The following SYT2 variants were observed in gnomAD, a reference collection of about 807,000 sequenced individuals.
The protein encoded by SYT2 is synaptotagmin-2.
In SYT2, 15 loss-of-function variants were observed where a neutral mutation model predicts 39.9. The observed-to-expected ratio is 0.38, with a 90% CI of 0.25 to 0.58. SYT2 has a LOEUF of 0.58. Ranked by LOEUF, SYT2 falls within the 20% of genes least tolerant of loss-of-function variation. The pLI, the probability that SYT2 is intolerant of heterozygous loss-of-function variation, is 0.70. For missense variants in SYT2, 389 were observed against 530.3 expected, an observed-to-expected ratio of 0.73 and a Z score of 2.62; for synonymous variants, 181 against 204.5, an observed-to-expected ratio of 0.89 and a Z score of 0.98.
At chr1:202,608,971 C>T (rs1452638131) in intron 1 of SYT2, among the ~76,000 whole-genome samples, 1 of 151,608 alleles carries the variant, frequency 6.6e-6, no homozygotes, top group African/African-American at 2.4e-5. Context: ...TGGTGTGCTG[C>T]ACCCATTAAC....
rs114498437 is a variant in SYT2, at chr1:202,646,155, T to A, written c.-17-40366A>T. On this transcript the variant is annotated intron_variant, in intron 1 of 8. Transcript: ENST00000367268. The stretch of plus-strand genomic sequence containing the variant: ...GTGCTCCTTAGGTCCTGACTGTCCA[T>A]CCTACCCTGTCCTCTCCTTTCAGGC... Among the ~76,000 whole-genome samples, 1,099 of 152,218 alleles carry A rather than the reference T, an allele frequency of 7.2e-3. 10 individuals are homozygous for A. Among genetic ancestry groups the A allele is most frequent in the African/African-American group, 0.025 (1,032 of 41,526 alleles).
chr1:202,661,203 C>T (rs1025608694), intron 1 of SYT2, among the ~76,000 whole-genome samples: 3 of 152,038 alleles, frequency 2.0e-5, no homozygotes, highest in African/African-American at 7.2e-5. Flanking sequence ...CCCTTCCTGT[C>T]AGAAAAGGGC....
chr1:202,632,411 G>A (rs1691619714), intron 1 of SYT2: 1 of 301,910 alleles, frequency 3.3e-6, no homozygotes. Flanking sequence ...AGCTGGGGAT[G>A]AGACTCCGGC....
intron 1 of SYT2, among the ~76,000 whole-genome samples, chr1:202,684,211 A>G: frequency 6.6e-6 from 1 of 152,170 alleles, no homozygotes; most frequent in East Asian, 1.9e-4. Context: ...ATGATTCGGT[A>G]TGATTAACTG....
At chr1:202,607,369 A>G (rs953034577) in intron 1 of SYT2, among the ~76,000 whole-genome samples, 5 of 152,224 alleles carry the variant, frequency 3.3e-5, no homozygotes, top group African/African-American at 1.2e-4. Flanking sequence ...ACTGAATGGC[A>G]ATTTACAGTA....
rs1227952295 is a variant in SYT2, at chr1:202,595,487, G to A, written c.*1270C>T. The A allele has an allele frequency of 6.6e-6, 1 of 152,260 alleles. No individual in the cohort carries two copies. The highest frequency in any genetic ancestry group is 6.5e-5 in the Admixed American group (1 of 15,274). The allele number at this position is 152,260 out of a possible 1,614,324, so 9.4% of individuals were successfully genotyped here. ...AGAGGGCCAAGGGAGCAAGGAGTGG[G>A]AGTCGGGGGAATTCCAGTGCTCCCC... On this transcript the variant is annotated 3_prime_UTR_variant, in exon 9 of 9. Transcript: ENST00000367268.
intron 1 of SYT2, among the ~76,000 whole-genome samples, chr1:202,703,365 T>C (rs4072140): frequency 2.0e-5 from 3 of 151,064 alleles, no homozygotes; most frequent in African/African-American, 7.3e-5. Flanking sequence ...AAAATGGAGC[T>C]AAGAGTAGGA....
chr1:202,649,319 G>A (rs967334127), intron 1 of SYT2, among the ~76,000 whole-genome samples: 1 of 152,186 alleles, frequency 6.6e-6, no homozygotes, highest in East Asian at 1.9e-4. Flanking sequence ...AAGATTTCCT[G>A]CAAGAGCAAG....
At chr1:202,629,865 G>T (rs1398579680) in intron 1 of SYT2, among the ~76,000 whole-genome samples, 1 of 97,434 alleles carries the variant, frequency 1.0e-5, no homozygotes, top group Non-Finnish European at 2.3e-5. Context: ...GCAGGCAGCT[G>T]GTGGGGGGGG....
chr1:202,624,619 TAG>T (rs1474189590), intron 1 of SYT2, among the ~76,000 whole-genome samples: 1 of 56,686 alleles, frequency 1.8e-5, no homozygotes, highest in Non-Finnish European at 3.8e-5. Flanking sequence ...TGTGGTGTCA[TAG>T]AGTGTGTGTA....
chr1:202,629,867 T>TGGGGGGGGGGGGGGGGGG (rs71281826), intron 1 of SYT2, among the ~76,000 whole-genome samples: 1 of 39,538 alleles, frequency 2.5e-5, no homozygotes, highest in African/African-American at 8.7e-5. Context: ...AGGCAGCTGG[T>TGGGGGGGGGGGGGGGGGG]GGGGGGGGGG....
chr1:202,600,622 G>T (rs1161869895), intron 6 of SYT2, 148 bp from the exon 7 acceptor site: 3 of 681,066 alleles, frequency 4.4e-6, no homozygotes, highest in African/African-American at 3.6e-5. Flanking sequence ...GGCCGAGAAG[G>T]TCTTCCAGCA....
At chr1:202,621,610 C>G (rs1021349268) in intron 1 of SYT2, among the ~76,000 whole-genome samples, 2 of 152,126 alleles carry the variant, frequency 1.3e-5, no homozygotes, top group African/African-American at 4.8e-5. Context: ...CCACTGCGCC[C>G]AGCCAAAAGA....
At chr1:202,652,768 G>A (rs1046525452) in intron 1 of SYT2, among the ~76,000 whole-genome samples, 7 of 152,222 alleles carry the variant, frequency 4.6e-5, no homozygotes, top group African/African-American at 1.7e-4. Context: ...ATCAGACCCA[G>A]AAACGTGGCT....
At chr1:202,695,307 T>C (rs773273257) in intron 1 of SYT2, among the ~76,000 whole-genome samples, 1 of 152,112 alleles carries the variant, frequency 6.6e-6, no homozygotes. Flanking sequence ...ATCTGACCCA[T>C]CACCTTGATC....
intron 1 of SYT2, among the ~76,000 whole-genome samples, chr1:202,609,787 C>G (rs1690836130): frequency 6.6e-6 from 1 of 152,036 alleles, no homozygotes; most frequent in South Asian, 2.1e-4. Context: ...TGGATATTAG[C>G]CCTTTGTCAG....
At position 202,685,836 on chromosome 1, in the gene SYT2, T is replaced by G. The variant is rs1194289730; in HGVS notation, c.-18+24422A>C. On this transcript the variant is annotated intron_variant, in intron 1 of 8. Coordinates refer to ENST00000367268, the MANE Select transcript of SYT2 (RefSeq NM_177402.5). ...CATTAACTAGGGAAACAGGCTCACA[T>G]TGCTAGAAGGCATGTTTCCTGCAAG... 2.6e-5 allele frequency among the ~76,000 whole-genome samples: 4 copies of G among 152,110 alleles called. No homozygotes were observed. In the East Asian group the frequency reaches 5.8e-4, roughly 22 times the overall value.
chr1:202,647,315 T>C (rs1344469378), intron 1 of SYT2, among the ~76,000 whole-genome samples: 1 of 152,084 alleles, frequency 6.6e-6, no homozygotes, highest in African/African-American at 2.4e-5. Context: ...CCAGGGCCCG[T>C]AGAGGGAAGG....
chr1:202,602,738 AC>A (rs1690553805), intron 4 of SYT2, among the ~76,000 whole-genome samples, 193 bp from the exon 5 acceptor site: 1 of 152,230 alleles, frequency 6.6e-6, no homozygotes, highest in Admixed American at 6.5e-5. Flanking sequence ...CATTTAGGAA[AC>A]CTGAGAAAGG....
Sources: gnomAD v4.1 joint callset for allele counts (sites outside exome capture counted in the v4.1 genomes callset) on GRCh38, gnomAD v4.1.1 for gene constraint, MANE v1.5 for transcripts, NCBI Gene and HGNC (gene_info 2026-07-23, HGNC 2026-07-21) for gene names.